The following ZMYND12 variants were observed in gnomAD, a reference collection of about 807,000 sequenced individuals.
ZMYND12 encodes the protein zinc finger MYND domain-containing protein 12.
In ZMYND12, 32 loss-of-function variants were observed where a neutral mutation model predicts 41.7. That is an observed-to-expected ratio of 0.77 (90% CI 0.58 to 1.03). The LOEUF is 1.03. Ranked by LOEUF, ZMYND12 falls within the 50% of genes least tolerant of loss-of-function variation. The pLI, the probability that ZMYND12 is intolerant of heterozygous loss-of-function variation, is 0.00. For synonymous variants in ZMYND12, 148 were observed against 164.8 expected, an observed-to-expected ratio of 0.90 and a Z score of 0.78; for missense variants, 424 against 438.5, an observed-to-expected ratio of 0.97 and a Z score of 0.30.
intron 1 of ZMYND12, among the ~76,000 whole-genome samples, chr1:42,453,194 G>C (rs1643101055): frequency 6.6e-6 from 1 of 151,808 alleles, no homozygotes; most frequent in Non-Finnish European, 1.5e-5. Context: ...TAGAAATCTG[G>C]AGAAAAGGAA....
At chr1:42,436,627 C>CA (rs1273092555) in intron 4 of ZMYND12, 84 bp from the exon 5 acceptor site, 11 of 1,480,416 alleles carry the variant, frequency 7.4e-6, no homozygotes, top group Non-Finnish European at 1.0e-5. Context: ...AGAATACATA[C>CA]AAAAAACTGT....
chr1:42,448,891 A>T (rs1373163801), intron 2 of ZMYND12, among the ~76,000 whole-genome samples: 1 of 152,212 alleles, frequency 6.6e-6, no homozygotes, highest in Non-Finnish European at 1.5e-5. Flanking sequence ...TGAATGCTCA[A>T]TATAGAGTTA....
chr1:42,450,003 A>C lies in ZMYND12; in HGVS notation c.167T>G (p.Leu56Arg). Residue 56 changes from leucine (L) to arginine (R), a missense_variant, in exon 2 of 8, where the codon CTC becomes CGC. Physicochemically the swap from Leu to Arg is moderately radical, Grantham distance 102. Coordinates refer to ENST00000372565, the MANE Select transcript of ZMYND12 (RefSeq NM_032257.5). ...CATGGAAGTGCGCAGTGGAATCAAG[A>C]GCTGACATATTTTCTCATGGATGCT... ...WDSIHEKICQ[L>R]LIPLRTSMPF... 1 of 1,614,004 alleles carries C rather than the reference A, an allele frequency of 6.2e-7. No individual in the cohort carries two copies. Among genetic ancestry groups the C allele is most frequent in the South Asian group, 1.1e-5 (1 of 91,092 alleles).
intron 5 of ZMYND12, among the ~76,000 whole-genome samples, chr1:42,435,764 T>C (rs937628117): frequency 6.6e-6 from 1 of 152,226 alleles, no homozygotes; most frequent in Non-Finnish European, 1.5e-5. Context: ...ACACGACTTC[T>C]GGTAAGAGCT....
rs11803844 is a variant in ZMYND12 at position 42,430,948 on chromosome 1, G to A, written c.976-90C>T. The A allele has an allele frequency of 6.0e-3, 9,328 of 1,544,146 alleles. 387 individuals are homozygous for A. In the African/African-American group the frequency reaches 0.1, roughly 17 times the overall value. ...TCTGTGCTCAACTCCAGAAACATGA[G>A]AGAGAACTGACCACCTTTTCACACC... On this transcript the variant is annotated intron_variant, in intron 7 of 7. Transcript: ENST00000372565.
At chr1:42,440,541 G>C (rs189098177) in intron 3 of ZMYND12, among the ~76,000 whole-genome samples, 6 of 149,144 alleles carry the variant, frequency 4.0e-5, no homozygotes, top group African/African-American at 1.6e-4. Context: ...GAGGCACTAA[G>C]AGGGAGTAAC....
At chr1:42,434,214 T>C (rs1036142861) in intron 6 of ZMYND12, among the ~76,000 whole-genome samples, 1 of 152,144 alleles carries the variant, frequency 6.6e-6, no homozygotes, top group African/African-American at 2.4e-5. Flanking sequence ...AACTAGATCC[T>C]CTGTGTCTTT....
intron 3 of ZMYND12, among the ~76,000 whole-genome samples, chr1:42,441,025 A>AAT (rs1288225077): frequency 2.0e-5 from 3 of 152,136 alleles, no homozygotes; most frequent in Non-Finnish European, 2.9e-5. Context: ...TCAATTGTGA[A>AAT]ATATATATAT....
intron 3 of ZMYND12, among the ~76,000 whole-genome samples, chr1:42,444,583 C>T (rs1015282170): frequency 6.6e-6 from 1 of 152,138 alleles, no homozygotes; most frequent in African/African-American, 2.4e-5. Flanking sequence ...CATACTTACA[C>T]AGTGCTCACG....
Position 42,430,583 on chromosome 1 carries a change from G to A in ZMYND12, c.*153C>T. 3 of 976,432 alleles carry A rather than the reference G, an allele frequency of 3.1e-6. No homozygotes were observed. Among genetic ancestry groups the A allele is most frequent in the Non-Finnish European group, 4.5e-6 (3 of 669,546 alleles). 60.5% of individuals were successfully genotyped at this position (976,432 alleles called of 1,614,324 possible). On this transcript the variant is annotated 3_prime_UTR_variant, in exon 8 of 8. Transcript: ENST00000372565. ...GCTTTATATTCCCTTAATATGCTGTGTAAGAAAAAAATAACAGCTATGTGT... is the reference window on the plus strand; with the variant it reads ...GCTTTATATTCCCTTAATATGCTGTATAAGAAAAAAATAACAGCTATGTGT...
chr1:42,447,299 G>A lies in ZMYND12; in HGVS notation c.424+1168C>T, dbSNP rs184183043. On this transcript the variant is annotated intron_variant, in intron 3 of 7. Transcript: ENST00000372565. ...ACTGTTTTTGCCAAAAATCCATAAC[G>A]TGAGTCCCATCATTAGGAAATATCA... is the stretch of plus-strand genomic sequence containing the variant. Among the ~76,000 whole-genome samples, 8 of 152,290 alleles carry A rather than the reference G, an allele frequency of 5.3e-5. No homozygotes were observed. In the East Asian group the frequency reaches 5.8e-4, roughly 11 times the overall value.
intron 1 of ZMYND12, among the ~76,000 whole-genome samples, chr1:42,453,478 C>T (rs1364194661): frequency 6.6e-6 from 1 of 152,178 alleles, no homozygotes; most frequent in Non-Finnish European, 1.5e-5. Flanking sequence ...CCTCTGTACA[C>T]ATTTGACATA....
intron 1 of ZMYND12, among the ~76,000 whole-genome samples, chr1:42,453,278 A>G (rs1242069520): frequency 6.6e-6 from 1 of 152,228 alleles, no homozygotes; most frequent in South Asian, 2.1e-4. Flanking sequence ...AGATAAGGGC[A>G]TAGAAGATGA....
In ZMYND12 at chr1:42,449,984, A is replaced by G. The variant is rs774438628; in HGVS notation, c.186T>C (p.Thr62=). The G allele has an allele frequency of 6.2e-7, 1 of 1,613,954 alleles. No homozygotes were observed. Among genetic ancestry groups the G allele is most frequent in the South Asian group, 1.1e-5 (1 of 91,090 alleles). The stretch of plus-strand genomic sequence containing the variant: ...CCTCTGAATTGTAGAAGGGCATGGA[A>G]GTGCGCAGTGGAATCAAGAGCTGAC... The part of the protein sequence containing the change: ...KICQLLIPLR[T]SMPFYNSEEE... Residue 62 remains threonine (T), a synonymous_variant, in exon 2 of 8, where the codon ACT becomes ACC. Coordinates refer to ENST00000372565, the MANE Select transcript of ZMYND12 (RefSeq NM_032257.5).
At chr1:42,433,768 T>A (rs988458091) in intron 6 of ZMYND12, among the ~76,000 whole-genome samples, 5 of 152,210 alleles carry the variant, frequency 3.3e-5, no homozygotes, top group Admixed American at 1.3e-4. Flanking sequence ...GCAACAACCT[T>A]CATGCTTCCC....
At chr1:42,432,142 A>C (rs771877177) in intron 7 of ZMYND12, among the ~76,000 whole-genome samples, 2 of 148,332 alleles carry the variant, frequency 1.3e-5, no homozygotes, top group Non-Finnish European at 3.0e-5. Context: ...CTGCAGCCTC[A>C]ATCTCCTGGG....
At chr1:42,455,835 A>C in intron 1 of ZMYND12, 53 bp downstream of exon 1, 1 of 1,388,196 alleles carries the variant, frequency 7.2e-7, no homozygotes, top group Non-Finnish European at 1.0e-6. Flanking sequence ...AGACCCGGGA[A>C]AGGGAGAGAG....
intron 3 of ZMYND12, among the ~76,000 whole-genome samples, chr1:42,442,805 A>G (rs1251272501): frequency 6.6e-6 from 1 of 152,158 alleles, no homozygotes; most frequent in Non-Finnish European, 1.5e-5. Flanking sequence ...GAAGCAGTCT[A>G]CAAGAAGAAG....
intron 3 of ZMYND12, among the ~76,000 whole-genome samples, chr1:42,440,481 CA>C (rs894114098): frequency 1.3e-5 from 2 of 149,158 alleles, no homozygotes; most frequent in Admixed American, 1.3e-4. Flanking sequence ...GGCCAGGCGA[CA>C]GGGGGAGTCC....
Sources: allele counts gnomAD v4.1 joint callset (sites outside exome capture counted in the v4.1 genomes callset), GRCh38; gene constraint gnomAD v4.1.1; transcripts MANE v1.5; gene names NCBI Gene and HGNC (gene_info 2026-07-23, HGNC 2026-07-21).